The following ANKRD31 variants were observed in gnomAD, a reference collection of about 807,000 sequenced individuals.
ANKRD31 encodes the protein ankyrin repeat domain 31, also known as ankyrin repeat domain-containing protein 31.
ANKRD31 carries 147 observed loss-of-function variants against 186.0 expected under a neutral mutation model. The observed-to-expected ratio is 0.79, with a 90% CI of 0.69 to 0.91. The LOEUF (loss-of-function observed/expected upper bound fraction) is 0.91. Ranked by LOEUF, ANKRD31 falls within the 40% of genes least tolerant of loss-of-function variation. The probability of loss-of-function intolerance (pLI) is 0.00; values close to 1 mark genes in which losing one functional copy is unlikely to be tolerated. For missense variants in ANKRD31, 1,986 were observed against 2,148.8 expected, an observed-to-expected ratio of 0.92 and a Z score of 1.50; for synonymous variants, 673 against 736.4, an observed-to-expected ratio of 0.91 and a Z score of 1.39.
intron 15 of ANKRD31, among the ~76,000 whole-genome samples, chr5:75,140,327 A>AAGGAAGGT: frequency 6.6e-6 from 1 of 150,846 alleles, no homozygotes; most frequent in Non-Finnish European, 1.5e-5. Context: ...GGAAGGAAGG[A>AAGGAAGGT]AGGTAGGAAG....
Position 75,076,018 on chromosome 5 carries a change from T to C in ANKRD31, c.5647+4550A>G, listed in dbSNP as rs1310572874. On this transcript the variant is annotated intron_variant, in intron 25 of 25. Coordinates refer to ENST00000506364, the MANE Select transcript of ANKRD31 (RefSeq NM_001372053.1). Reference sequence around the variant, plus strand: ...ACATATTAAGCACTCTATATCTCATTAGGGTTATGGAATGAAACATTGCTT... The same window carrying C: ...ACATATTAAGCACTCTATATCTCATCAGGGTTATGGAATGAAACATTGCTT... Among the ~76,000 whole-genome samples the C allele has an allele frequency of 3.3e-5, 5 of 151,584 alleles. No homozygotes were observed. In the East Asian group the frequency reaches 9.7e-4, roughly 29 times the overall value.
At chr5:75,118,481 T>C (rs994592614) in intron 17 of ANKRD31, among the ~76,000 whole-genome samples, 184 bp from the exon 18 acceptor site, 1 of 152,182 alleles carries the variant, frequency 6.6e-6, no homozygotes, top group Non-Finnish European at 1.5e-5. Flanking sequence ...GACTGATTAG[T>C]CCTCACAAGA....
chr5:75,131,332 T>C (rs1485337939), intron 17 of ANKRD31, among the ~76,000 whole-genome samples: 5 of 151,616 alleles, frequency 3.3e-5, no homozygotes, highest in Non-Finnish European at 3.0e-5. Flanking sequence ...TTATCACCTC[T>C]CATTAGCAAA....
chr5:75,200,078 G>GAA (rs780090498), intron 5 of ANKRD31, among the ~76,000 whole-genome samples: 1 of 152,044 alleles, frequency 6.6e-6, no homozygotes, highest in Non-Finnish European at 1.5e-5. Flanking sequence ...AGTTAGGCAT[G>GAA]AAAAGAAATG....
chr5:75,156,838 C>A (rs1231721580), intron 11 of ANKRD31, among the ~76,000 whole-genome samples: 5 of 152,168 alleles, frequency 3.3e-5, no homozygotes, highest in African/African-American at 1.2e-4. Context: ...CCACTGATAT[C>A]TTGATTTTAG....
At chr5:75,208,129 G>T (rs992904607) in intron 4 of ANKRD31, among the ~76,000 whole-genome samples, 2 of 152,046 alleles carry the variant, frequency 1.3e-5, no homozygotes, top group African/African-American at 4.8e-5. Context: ...TTTAATGTGT[G>T]GCTTAATGAA....
chr5:75,072,098 T>C (rs193237307), intron 25 of ANKRD31, among the ~76,000 whole-genome samples: 1 of 152,368 alleles, frequency 6.6e-6, no homozygotes, highest in East Asian at 1.9e-4. Context: ...TTTGTCTAAA[T>C]TGACATTAAC....
chr5:75,140,096 C>G (rs1272841085), intron 15 of ANKRD31, among the ~76,000 whole-genome samples: 1 of 151,902 alleles, frequency 6.6e-6, no homozygotes, highest in East Asian at 1.9e-4. Flanking sequence ...CACAGCTACT[C>G]TGGAGACTGA....
At chr5:75,232,772 A>G (rs1758026118) in intron 1 of ANKRD31, among the ~76,000 whole-genome samples, 1 of 152,166 alleles carries the variant, frequency 6.6e-6, no homozygotes, top group Non-Finnish European at 1.5e-5. Flanking sequence ...CCACTGTGAC[A>G]TACGGATTAC....
At chr5:75,174,275 C>T (rs1753591109) in intron 10 of ANKRD31, among the ~76,000 whole-genome samples, 1 of 152,042 alleles carries the variant, frequency 6.6e-6, no homozygotes, top group African/African-American at 2.4e-5. Flanking sequence ...CCATAAAAAC[C>T]CTAGAAGAAA....
At chr5:75,111,535 A>G (rs746008201) in intron 20 of ANKRD31, among the ~76,000 whole-genome samples, 30 of 152,194 alleles carry the variant, frequency 2.0e-4, no homozygotes, top group Non-Finnish European at 4.3e-4. Flanking sequence ...GACTATACAA[A>G]CATGAGTTAG....
chr5:75,115,330 T>C (rs886830691), intron 19 of ANKRD31, among the ~76,000 whole-genome samples: 29 of 152,090 alleles, frequency 1.9e-4, no homozygotes, highest in African/African-American at 7.0e-4. Flanking sequence ...GGCATTACCA[T>C]TCAGGACATA....
At chr5:75,233,413 C>T (rs183021244) in intron 1 of ANKRD31, among the ~76,000 whole-genome samples, 1 of 152,014 alleles carries the variant, frequency 6.6e-6, no homozygotes, top group African/African-American at 2.4e-5. Flanking sequence ...ACTCCTGTGT[C>T]CCATAAAACT....
intron 17 of ANKRD31, among the ~76,000 whole-genome samples, chr5:75,135,199 T>C (rs1209526498): frequency 1.3e-5 from 2 of 152,164 alleles, no homozygotes; most frequent in Non-Finnish European, 2.9e-5. Context: ...ATAAAGGGTA[T>C]TGAATTAGGA....
chr5:75,229,580 C>T (rs1344854530), intron 2 of ANKRD31, among the ~76,000 whole-genome samples: 2 of 152,044 alleles, frequency 1.3e-5, no homozygotes, highest in Non-Finnish European at 2.9e-5. Context: ...TTCATGTCAA[C>T]ATTGATTTTA....
chr5:75,119,874 G>T (rs747363784), intron 17 of ANKRD31, among the ~76,000 whole-genome samples: 1 of 151,890 alleles, frequency 6.6e-6, no homozygotes, highest in Non-Finnish European at 1.5e-5. Context: ...TCATATGTTT[G>T]TTGGCCACTT....
intron 22 of ANKRD31, among the ~76,000 whole-genome samples, chr5:75,096,947 G>A (rs1746379026): frequency 6.6e-6 from 1 of 152,028 alleles, no homozygotes; most frequent in African/African-American, 2.4e-5. Flanking sequence ...TGCTGAGAAT[G>A]ATGGTATACA....
chr5:75,156,622 T>C (rs987956418), intron 11 of ANKRD31, among the ~76,000 whole-genome samples: 8 of 152,182 alleles, frequency 5.3e-5, no homozygotes, highest in African/African-American at 1.9e-4. Flanking sequence ...TCTTCAATTA[T>C]CTCAGTGAGC....
chr5:75,095,252 A>T (rs1746225497), intron 22 of ANKRD31, among the ~76,000 whole-genome samples: 1 of 152,006 alleles, frequency 6.6e-6, no homozygotes, highest in African/African-American at 2.4e-5. Context: ...GGTGGATCAC[A>T]AGGTCAAGAG....
Sources: allele counts gnomAD v4.1 joint callset (sites outside exome capture counted in the v4.1 genomes callset), GRCh38; gene constraint gnomAD v4.1.1; transcripts MANE v1.5; gene names NCBI Gene and HGNC (gene_info 2026-07-23, HGNC 2026-07-21).